The following AHI1 variants were observed in gnomAD, a reference collection of about 807,000 sequenced individuals.
The protein encoded by AHI1 is jouberin.
In AHI1, 123 loss-of-function variants were observed where a neutral mutation model predicts 149.3. That is an observed-to-expected ratio of 0.82 (90% CI 0.71 to 0.96). AHI1 has a LOEUF of 0.96. Among genes scored for constraint, AHI1 ranks in the 40% least tolerant of loss-of-function variants. AHI1 has a pLI of 0.00. For synonymous variants in AHI1, 475 were observed against 459.8 expected (o/e 1.03, Z -0.42); for missense variants, 1,439 against 1,422.7 (o/e 1.01, Z -0.18).
At chr6:135,449,060 T>G (rs1394004039) in intron 11 of AHI1, among the ~76,000 whole-genome samples, 1 of 152,150 alleles carries the variant, frequency 6.6e-6, no homozygotes, top group African/African-American at 2.4e-5. Context: ...TTTTGTCTCT[T>G]TTTTTGGGCA....
intron 5 of AHI1, among the ~76,000 whole-genome samples, chr6:135,488,809 C>T (rs1209992054): frequency 1.3e-5 from 2 of 152,066 alleles, no homozygotes; most frequent in Non-Finnish European, 2.9e-5. Flanking sequence ...AGAAGAAGTC[C>T]TATCTTTTCA....
intron 6 of AHI1, among the ~76,000 whole-genome samples, chr6:135,466,973 G>GA (rs908705253): frequency 1.3e-5 from 2 of 152,010 alleles, no homozygotes; most frequent in African/African-American, 2.4e-5. Context: ...ATTTTTAATA[G>GA]AAAAAAATAA....
At chr6:135,347,289 T>C (rs757918982) in intron 24 of AHI1, among the ~76,000 whole-genome samples, 1 of 152,180 alleles carries the variant, frequency 6.6e-6, no homozygotes, top group Non-Finnish European at 1.5e-5. Flanking sequence ...AGATAATATA[T>C]AGTATGTAGC....
At chr6:135,401,533 A>G (rs1408573600) in intron 22 of AHI1, among the ~76,000 whole-genome samples, 2 of 152,216 alleles carry the variant, frequency 1.3e-5, no homozygotes, top group Non-Finnish European at 2.9e-5. Flanking sequence ...CTGCATAAAT[A>G]CACTCTGTTG....
At chr6:135,289,630 G>T (rs985218369) in intron 28 of AHI1, among the ~76,000 whole-genome samples, 3 of 151,820 alleles carry the variant, frequency 2.0e-5, no homozygotes, top group African/African-American at 4.9e-5. Flanking sequence ...CATTATTTAA[G>T]AATCTGTTTT....
At chr6:135,391,781 T>C (rs1212750861) in intron 23 of AHI1, among the ~76,000 whole-genome samples, 1 of 152,226 alleles carries the variant, frequency 6.6e-6, no homozygotes, top group Non-Finnish European at 1.5e-5. Flanking sequence ...TCAGGGCTAC[T>C]GCAGTAGGTA....
chr6:135,490,500 AC>A (rs1795102763), intron 5 of AHI1, 122 bp downstream of exon 5: 3 of 1,122,286 alleles, frequency 2.7e-6, no homozygotes, highest in South Asian at 1.3e-5. Flanking sequence ...CATGTTATTG[AC>A]CATGACATAG....
In AHI1 at chr6:135,467,569, A is replaced by G. The variant is rs199617785; in HGVS notation, c.189+12T>C. 197 of 1,598,700 alleles carry G rather than the reference A, an allele frequency of 1.2e-4. 1 individual carries two copies. Among genetic ancestry groups the G allele is most frequent in the Admixed American group, 3.3e-5 (2 of 59,914 alleles). On this transcript the variant is annotated intron_variant, in intron 6 of 28. Coordinates refer to ENST00000265602, the MANE Select transcript of AHI1 (RefSeq NM_001134831.2). ...TGCTCTTCTTCAGGCTGTTAGTGTT[A>G]GCAGTACTTACATCATCACTTGTAG... is the stretch of plus-strand genomic sequence containing the variant.
At position 135,285,535 on chromosome 6, in the gene AHI1, C is replaced by T. The variant is rs370861733; in HGVS notation, c.*110G>A. 50 of 1,154,550 alleles carry T rather than the reference C, an allele frequency of 4.3e-5. 2 individuals are homozygous for T. The highest frequency in any genetic ancestry group is 1.7e-4 in the East Asian group (7 of 40,698). The allele number at this position is 1,154,550 out of a possible 1,614,324, so 71.5% of individuals were successfully genotyped here. On this transcript the variant is annotated 3_prime_UTR_variant, in exon 29 of 29. Coordinates refer to ENST00000265602, the MANE Select transcript of AHI1 (RefSeq NM_001134831.2). ...TCATAAGAACAAGAAGTAGTGGATC[C>T]TTTCTTCCTCCTTAGTATCTGAAAA...
In AHI1 at chr6:135,455,853, C is replaced by A; in HGVS notation, c.1225G>T (p.Asp409Tyr). The A allele has an allele frequency of 1.3e-6, 2 of 1,597,802 alleles. No individual in the cohort carries two copies. The highest frequency in any genetic ancestry group is 1.7e-5 in the Admixed American group (1 of 58,782). ...AGTCTTGATTTTAACTGTTTAAAAT[C>A]ATATGGCTGGGTCATAATAGGAAGA... ...YILPIMTQPYDFKQLKSRLPE... is the reference protein window; with the variant it reads ...YILPIMTQPYYFKQLKSRLPE... Residue 409 changes from aspartate to tyrosine, a missense_variant, in exon 10 of 29, where the codon GAT becomes TAT. Transcript: ENST00000265602.
At chr6:135,353,769 C>A (rs1012078571) in intron 24 of AHI1, among the ~76,000 whole-genome samples, 2 of 151,994 alleles carry the variant, frequency 1.3e-5, no homozygotes, top group Admixed American at 1.3e-4. Context: ...AACAATATTA[C>A]AAACATCTCA....
At chr6:135,315,378 T>C (rs1017629361) in intron 26 of AHI1, among the ~76,000 whole-genome samples, 5 of 152,216 alleles carry the variant, frequency 3.3e-5, no homozygotes, top group Non-Finnish European at 4.4e-5. Context: ...GCTATGCCTC[T>C]ACCTGGGCCC....
chr6:135,407,134 T>G (rs1780904456), intron 21 of AHI1, among the ~76,000 whole-genome samples: 2 of 152,188 alleles, frequency 1.3e-5, no homozygotes, highest in South Asian at 4.1e-4. Flanking sequence ...TTTTGTATCT[T>G]TTACTCATTA....
At chr6:135,363,897 C>T (rs1422952786) in intron 23 of AHI1, among the ~76,000 whole-genome samples, 1 of 141,198 alleles carries the variant, frequency 7.1e-6, no homozygotes, top group African/African-American at 2.7e-5. Context: ...GGGGGGCTGA[C>T]CCCCCCCACC....
chr6:135,415,184 G>A (rs1782192210), intron 20 of AHI1, among the ~76,000 whole-genome samples: 1 of 151,926 alleles, frequency 6.6e-6, no homozygotes, highest in Admixed American at 6.6e-5. Flanking sequence ...TGGTGTATAT[G>A]TGCCACATTT....
chr6:135,432,641 C>A (rs565910064), intron 16 of AHI1, among the ~76,000 whole-genome samples: 1 of 152,100 alleles, frequency 6.6e-6, no homozygotes, highest in African/African-American at 2.4e-5. Flanking sequence ...CACGAACCAC[C>A]GCGCCCGGCC....
chr6:135,349,490 C>T (rs1171740447), intron 24 of AHI1, among the ~76,000 whole-genome samples: 6 of 152,132 alleles, frequency 3.9e-5, no homozygotes, highest in Non-Finnish European at 5.9e-5. Flanking sequence ...TTATCAAGCA[C>T]TGAGTTTATG....
intron 23 of AHI1, among the ~76,000 whole-genome samples, chr6:135,385,037 C>G (rs924182290): frequency 6.6e-6 from 1 of 151,982 alleles, no homozygotes; most frequent in South Asian, 2.1e-4. Context: ...TGCAGTGATC[C>G]GAGATCGCGC....
At chr6:135,455,552 C>T (rs1199884243) in intron 10 of AHI1, among the ~76,000 whole-genome samples, 182 bp downstream of exon 10, 1 of 152,102 alleles carries the variant, frequency 6.6e-6, no homozygotes, top group Non-Finnish European at 1.5e-5. Flanking sequence ...AGCAAATATG[C>T]TATCACTGTT....
Sources: allele counts gnomAD v4.1 joint callset (sites outside exome capture counted in the v4.1 genomes callset), GRCh38; gene constraint gnomAD v4.1.1; transcripts MANE v1.5; gene names NCBI Gene and HGNC (gene_info 2026-07-23, HGNC 2026-07-21).